The following DHTKD1 variants were observed in gnomAD, a reference collection of about 807,000 sequenced individuals.
DHTKD1 encodes dehydrogenase E1 and transketolase domain containing 1.
Under a neutral mutation model 101.8 loss-of-function variants are expected in DHTKD1, and 78 were observed. That is an observed-to-expected ratio of 0.77 (90% CI 0.64 to 0.93). The LOEUF (loss-of-function observed/expected upper bound fraction) is 0.93. Among genes scored for constraint, DHTKD1 ranks in the 40% least tolerant of loss-of-function variants. DHTKD1 has a pLI of 0.00. For missense variants in DHTKD1, 1,223 were observed against 1,161.7 expected (o/e 1.05, Z -0.77); for synonymous variants, 462 against 450.3 (o/e 1.03, Z -0.33).
rs540541437 is a variant in DHTKD1 at position 12,123,204 on chromosome 10, A to G, written c.*2316A>G. 18 of 152,326 alleles carry G rather than the reference A, an allele frequency of 1.2e-4. No individual in the cohort carries two copies. The highest frequency in any genetic ancestry group is 4.3e-4 in the African/African-American group (18 of 41,570). 9.4% of individuals were successfully genotyped at this position (152,326 alleles called of 1,614,324 possible). A position where few individuals can be genotyped will look rare whatever the true frequency, so the allele number is the denominator to read the frequency against. On this transcript the variant is annotated 3_prime_UTR_variant, in exon 17 of 17. Transcript: ENST00000263035. ...TTTTAACAAGAAAAAAAATAAAAGCACATTGTCATTTTTTTTCCTCAGGAC... is the reference window on the plus strand; with the variant it reads ...TTTTAACAAGAAAAAAAATAAAAGCGCATTGTCATTTTTTTTCCTCAGGAC...
chr10:12,079,029 C>T (rs1482987505), intron 1 of DHTKD1, among the ~76,000 whole-genome samples: 4 of 152,122 alleles, frequency 2.6e-5, no homozygotes, highest in Non-Finnish European at 4.4e-5. Flanking sequence ...GGGGAGATCG[C>T]TCAGAGAGAA....
At chr10:12,090,383 T>C (rs1832969266) in intron 5 of DHTKD1, among the ~76,000 whole-genome samples, 1 of 125,670 alleles carries the variant, frequency 8.0e-6, no homozygotes, top group Admixed American at 8.8e-5. Context: ...CTTCCTTCCT[T>C]CCTTTTTTCC....
intron 5 of DHTKD1, among the ~76,000 whole-genome samples, chr10:12,090,979 C>A (rs7073177): frequency 2.2e-3 from 330 of 152,008 alleles, no homozygotes; most frequent in East Asian, 0.021. Context: ...GCGTGAACCC[C>A]GGAGGCGGAG....
In DHTKD1 at chr10:12,094,460, C is replaced by T. The variant is rs181246949; in HGVS notation, c.1358+189C>T. Among the ~76,000 whole-genome samples, 285 of 152,262 alleles carry T rather than the reference C, an allele frequency of 1.9e-3. 2 individuals are homozygous for T. The highest frequency in any genetic ancestry group is 6.4e-3 in the African/African-American group (267 of 41,578). On this transcript the variant is annotated intron_variant, in intron 7 of 16. Transcript: ENST00000263035. ...AAGTGATCCTCTTGCCTCAACCTCC[C>T]GAGTAGCTGGGATTACAGGCGTGTG...
At position 12,097,845 on chromosome 10, in the gene DHTKD1, C is replaced by T; in HGVS notation, c.1520C>T (p.Ala507Val). ...HYRPPALNLQAHWQGLAQPEA... is the reference protein window; with the variant it reads ...HYRPPALNLQVHWQGLAQPEA... ...AGGCCCCCTGCCCTGAACCTGCAGG[C>T]CCACTGGCAGGGCCTGGCTCAGCCA... The change falls in exon 8 of 17, where the codon GCC (alanine) becomes GTC (valine). Residue 507 changes from alanine to valine, a missense_variant. Coordinates refer to ENST00000263035, the MANE Select transcript of DHTKD1 (RefSeq NM_018706.7). 3 of 1,614,210 alleles carry T rather than the reference C, an allele frequency of 1.9e-6. No individual in the cohort carries two copies. Among genetic ancestry groups the T allele is most frequent in the Non-Finnish European group, 1.7e-6 (2 of 1,180,038 alleles).
At chr10:12,082,223 CCTCTTTATTTTG>C (rs1288249995) in intron 2 of DHTKD1, among the ~76,000 whole-genome samples, 2 of 152,088 alleles carry the variant, frequency 1.3e-5, no homozygotes, top group African/African-American at 4.8e-5. Context: ...TAGTTATTGT[CCTCTTTATTTTG>C]TAGATGGAGA....
Position 12,106,347 on chromosome 10 carries a change from C to T in DHTKD1, c.1998C>T (p.Gly666=), listed in dbSNP as rs144891795. ...KLLPLWEAQF[G]DFFNGAQIIF... The stretch of plus-strand genomic sequence containing the variant: ...TGCCCCTGTGGGAGGCACAGTTTGG[C>T]GATTTCTTCAATGGTGCCCAGATCA... The change falls in exon 11 of 17, where the codon GGC becomes GGT. Residue 666 remains glycine (G), a synonymous_variant. Coordinates refer to ENST00000263035, the MANE Select transcript of DHTKD1 (RefSeq NM_018706.7). 113 of 1,614,020 alleles carry T rather than the reference C, an allele frequency of 7.0e-5. No individual in the cohort carries two copies. In the South Asian group the frequency reaches 9.3e-4, roughly 13 times the overall value.
intron 13 of DHTKD1, among the ~76,000 whole-genome samples, chr10:12,114,589 C>T (rs999461741): frequency 6.6e-6 from 1 of 152,090 alleles, no homozygotes; most frequent in Non-Finnish European, 1.5e-5. Flanking sequence ...AGCCACCGTG[C>T]CCGGCCGGGA....
rs774627644 is a variant in DHTKD1, at chr10:12,089,020, T to G, written c.752T>G (p.Phe251Cys). The G allele has an allele frequency of 6.2e-7, 1 of 1,614,080 alleles. No individual in the cohort carries two copies. Residue 251 changes from phenylalanine (F) to cysteine (C), a missense_variant, in exon 5 of 17, where the codon TTT (phenylalanine) becomes TGT (cysteine). Physicochemically the swap from Phe to Cys is radical, Grantham distance 205. Coordinates refer to ENST00000263035, the MANE Select transcript of DHTKD1 (RefSeq NM_018706.7). ...CGTAAAATGCGAGGCTTAAGTGAAT[T>G]TCCAGAGAATTTCTCAGCCACTGGA... ...MFRKMRGLSE[F>C]PENFSATGDV...
intron 1 of DHTKD1, among the ~76,000 whole-genome samples, chr10:12,072,383 A>G (rs1588599057): frequency 6.6e-6 from 1 of 151,994 alleles, no homozygotes; most frequent in Admixed American, 6.6e-5. Flanking sequence ...AATCACTTGA[A>G]CCTGGGAGGC....
chr10:12,118,778 A>G lies in DHTKD1; in HGVS notation c.2432A>G (p.Lys811Arg), dbSNP rs750663649. Reference protein sequence around the residue: ...KVKTLVFCSGKHFYSLVKQRE... With the variant: ...KVKTLVFCSGRHFYSLVKQRE... ...AAGACCCTCGTGTTCTGCTCCGGCA[A>G]ACATTTCTACTCCCTGGTGAAACAA... Residue 811 changes from lysine to arginine, a missense_variant, in exon 15 of 17, where the codon AAA becomes AGA. Physicochemically the swap from Lys to Arg is conservative, Grantham distance 26. Transcript: ENST00000263035. The G allele has an allele frequency of 5.0e-6, 8 of 1,597,282 alleles. No individual in the cohort carries two copies. Among genetic ancestry groups the G allele is most frequent in the Non-Finnish European group, 6.8e-6 (8 of 1,173,154 alleles).
intron 1 of DHTKD1, among the ~76,000 whole-genome samples, 191 bp from the exon 2 acceptor site, chr10:12,081,273 CAAAAAAAA>C (rs3060443): frequency 7.1e-5 from 5 of 70,918 alleles, no homozygotes; most frequent in African/African-American, 2.5e-4. Context: ...GACTCCATCT[CAAAAAAAA>C]AAAAAAAAAA....
chr10:12,100,188 A>G lies in DHTKD1; in HGVS notation c.1682A>G (p.Glu561Gly). The G allele has an allele frequency of 6.3e-7, 1 of 1,585,956 alleles. No homozygotes were observed. The highest frequency in any genetic ancestry group is 8.6e-7 in the Non-Finnish European group (1 of 1,165,082). ...LLKTHVQSRM[E>G]KMMDGIKLDW... Reference sequence around the variant, plus strand: ...CTCTGAATTTTACAGTCCAGAATGGAGAAGATGATGGACGGAATCAAGCTA... The same window carrying G: ...CTCTGAATTTTACAGTCCAGAATGGGGAAGATGATGGACGGAATCAAGCTA... Residue 561 changes from glutamate to glycine, a missense_variant, in exon 9 of 17, where the codon GAG becomes GGG. Coordinates refer to ENST00000263035, the MANE Select transcript of DHTKD1 (RefSeq NM_018706.7).
At chr10:12,083,620 G>C (rs950198739) in intron 2 of DHTKD1, among the ~76,000 whole-genome samples, 9 of 152,100 alleles carry the variant, frequency 5.9e-5, no homozygotes, top group African/African-American at 2.2e-4. Flanking sequence ...TGTAGTCCCA[G>C]CTACTCGGGA....
At position 12,084,562 on chromosome 10, in the gene DHTKD1, A is replaced by G. The variant is rs765615698; in HGVS notation, c.333A>G (p.Glu111=). The G allele has an allele frequency of 2.5e-6, 4 of 1,600,628 alleles. No individual in the cohort carries two copies. The highest frequency in any genetic ancestry group is 3.4e-6 in the Non-Finnish European group (4 of 1,167,892). ...CAGGATTATTGAACATGGGGAAGGA[A>G]GAGGCCTCACTTGAGGAAGTGTTAG... ...HTAGLLNMGK[E]EASLEEVLVY... The change falls in exon 3 of 17, where the codon GAA becomes GAG. Residue 111 remains glutamate (E), a synonymous_variant. Transcript: ENST00000263035.
chr10:12,108,972 A>T (rs972894155), intron 12 of DHTKD1, among the ~76,000 whole-genome samples: 10 of 152,004 alleles, frequency 6.6e-5, no homozygotes, highest in African/African-American at 2.4e-4. Flanking sequence ...GCTAACACAG[A>T]GAAACCCCAT....
chr10:12,118,956 T>C, intron 15 of DHTKD1, 38 bp downstream of exon 15: 1 of 1,462,078 alleles, frequency 6.8e-7, no homozygotes, highest in Non-Finnish European at 9.1e-7. Context: ...GATGTTCAGA[T>C]ACCCAAAACC....
chr10:12,076,542 A>G (rs1273454431), intron 1 of DHTKD1, among the ~76,000 whole-genome samples: 1 of 151,376 alleles, frequency 6.6e-6, no homozygotes, highest in African/African-American at 2.4e-5. Context: ...AGCAAAAAAT[A>G]GCAAATCTGC....
rs1264182012 is a variant in DHTKD1, at chr10:12,068,972, C to T, written c.-62C>T. On this transcript the variant is annotated 5_prime_UTR_variant, in exon 1 of 17. Transcript: ENST00000263035. Reference sequence around the variant, plus strand: ...CGCCTCTGACGAGTCCCGGATTTACCAGGGCCGGTGGGATCCCCTCGGGCT... The same window carrying T: ...CGCCTCTGACGAGTCCCGGATTTACTAGGGCCGGTGGGATCCCCTCGGGCT... The T allele has an allele frequency of 4.4e-6, 7 of 1,595,786 alleles. No individual in the cohort carries two copies. In the East Asian group the frequency reaches 1.4e-4, roughly 31 times the overall value.
Sources: allele counts gnomAD v4.1 joint callset (sites outside exome capture counted in the v4.1 genomes callset), GRCh38; gene constraint gnomAD v4.1.1; transcripts MANE v1.5; gene names NCBI Gene and HGNC (gene_info 2026-07-23, HGNC 2026-07-21).